The following EPHA6 variants were observed in gnomAD, a reference collection of about 807,000 sequenced individuals.
The protein encoded by EPHA6 is ephrin type-A receptor 6.
EPHA6 carries 50 observed loss-of-function variants against 112.0 expected under a neutral mutation model. That is an observed-to-expected ratio of 0.45 (90% CI 0.36 to 0.56). EPHA6 has a LOEUF of 0.56. Ranked by LOEUF, EPHA6 falls within the 20% of genes least tolerant of loss-of-function variation. EPHA6 has a pLI of 0.00. For missense variants in EPHA6, 1,280 were observed against 1,417.4 expected (o/e 0.90, Z 1.56); for synonymous variants, 529 against 490.7 (o/e 1.08, Z -1.03).
At chr3:97,645,106 G>A (rs1266336397) in intron 14 of EPHA6, among the ~76,000 whole-genome samples, 2 of 152,012 alleles carry the variant, frequency 1.3e-5, no homozygotes, top group Admixed American at 6.5e-5. Flanking sequence ...AGTCAATGTG[G>A]CGATTCCTCA....
chr3:97,176,317 T>A (rs1311778959), intron 3 of EPHA6, among the ~76,000 whole-genome samples: 2 of 151,916 alleles, frequency 1.3e-5, no homozygotes, highest in African/African-American at 4.8e-5. Flanking sequence ...AGTTGAGGAT[T>A]TTTTCATCAA....
chr3:97,421,903 G>C (rs368581524), intron 6 of EPHA6, among the ~76,000 whole-genome samples: 63 of 151,618 alleles, frequency 4.2e-4, no homozygotes, highest in African/African-American at 1.4e-3. Context: ...ACTGGGTAAT[G>C]TATATTGGTA....
rs1281837981 is a variant in EPHA6, at chr3:96,926,757, TG to T, written c.450+59871del. Among the ~76,000 whole-genome samples the T allele has an allele frequency of 2.0e-5, 3 of 152,188 alleles. No homozygotes were observed. The East Asian group carries it at 5.8e-4, about 29-fold the overall frequency. The stretch of plus-strand genomic sequence containing the variant: ...ATCCAGGACATGCTGATGCAAGGGG[TG>T]GGCTCCCATGGCCTTGGCTTTGCAG... On this transcript the variant is annotated intron_variant, in intron 2 of 17. Transcript: ENST00000389672.
chr3:97,019,092 T>C (rs2044364735), intron 3 of EPHA6, among the ~76,000 whole-genome samples: 1 of 152,142 alleles, frequency 6.6e-6, no homozygotes, highest in Non-Finnish European at 1.5e-5. Flanking sequence ...TAAAGAGTAA[T>C]TGTTACAAAC....
intron 13 of EPHA6, among the ~76,000 whole-genome samples, chr3:97,627,232 A>C (rs1423127049): frequency 6.6e-6 from 1 of 151,922 alleles, no homozygotes; most frequent in African/African-American, 2.4e-5. Flanking sequence ...TGGATCCTGG[A>C]ATACAGAAGT....
chr3:97,214,920 C>T (rs147821347), intron 3 of EPHA6, among the ~76,000 whole-genome samples: 1 of 152,270 alleles, frequency 6.6e-6, no homozygotes, highest in African/African-American at 2.4e-5. Flanking sequence ...TGTACAGCAG[C>T]ATCTAGAAAA....
intron 5 of EPHA6, among the ~76,000 whole-genome samples, chr3:97,276,056 G>A (rs2080067995): frequency 6.6e-6 from 1 of 152,110 alleles, no homozygotes; most frequent in African/African-American, 2.4e-5. Context: ...TTTAAAGCCT[G>A]GCCGTCAATA....
chr3:97,529,146 G>A lies in EPHA6; in HGVS notation c.2201-3212G>A, dbSNP rs80086810. 6.0e-4 allele frequency among the ~76,000 whole-genome samples: 92 copies of A among 152,154 alleles called. 2 individuals are homozygous for A. In the East Asian group the frequency reaches 0.017, roughly 28 times the overall value. On this transcript the variant is annotated intron_variant, in intron 10 of 17. Transcript: ENST00000389672. ...TATGCCAACACAGGAAAATATTAAC[G>A]ATGATAAACAGCTCAGACAGCAGAG... is the stretch of plus-strand genomic sequence containing the variant.
intron 3 of EPHA6, among the ~76,000 whole-genome samples, chr3:97,175,329 G>A (rs145905280): frequency 7.5e-4 from 114 of 151,978 alleles, no homozygotes; most frequent in African/African-American, 2.6e-3. Flanking sequence ...GTCAGGTAAT[G>A]TGATTCCTCC....
intron 3 of EPHA6, among the ~76,000 whole-genome samples, chr3:97,217,987 A>G (rs1246420862): frequency 6.6e-6 from 1 of 152,164 alleles, no homozygotes; most frequent in African/African-American, 2.4e-5. Flanking sequence ...TAAAAATATA[A>G]AGGCTGGGTG....
At chr3:97,087,542 G>C (rs1188988746) in intron 3 of EPHA6, among the ~76,000 whole-genome samples, 1 of 152,136 alleles carries the variant, frequency 6.6e-6, no homozygotes. Context: ...GCAGGTGGGT[G>C]TTCAAAACCA....
chr3:96,919,508 GTTAC>G (rs1291972266), intron 2 of EPHA6, among the ~76,000 whole-genome samples: 1 of 151,744 alleles, frequency 6.6e-6, no homozygotes, highest in African/African-American at 2.4e-5. Flanking sequence ...GACTCATTTA[GTTAC>G]TTCATTTAAT....
chr3:97,671,170 G>T (rs150064498), intron 14 of EPHA6, among the ~76,000 whole-genome samples: 2 of 152,046 alleles, frequency 1.3e-5, no homozygotes, highest in East Asian at 3.9e-4. Flanking sequence ...AAACTTGGCC[G>T]GTCTGTATCA....
chr3:96,863,374 A>G (rs2036119704), intron 1 of EPHA6, among the ~76,000 whole-genome samples: 1 of 151,964 alleles, frequency 6.6e-6, no homozygotes, highest in South Asian at 2.1e-4. Flanking sequence ...GTGCCTGAAA[A>G]ACCTGAATTT....
At chr3:96,856,370 T>A (rs2035699029) in intron 1 of EPHA6, among the ~76,000 whole-genome samples, 1 of 152,192 alleles carries the variant, frequency 6.6e-6, no homozygotes, top group African/African-American at 2.4e-5. Flanking sequence ...TGTCCTTATT[T>A]GAAAATAAAA....
At chr3:97,292,881 T>C (rs1197647470) in intron 5 of EPHA6, among the ~76,000 whole-genome samples, 2 of 123,058 alleles carry the variant, frequency 1.6e-5, no homozygotes, top group East Asian at 5.2e-4. Context: ...GCAGGTCATC[T>C]CAGTGAGCGT....
intron 14 of EPHA6, among the ~76,000 whole-genome samples, chr3:97,709,884 C>T (rs903888359): frequency 1.3e-4 from 20 of 152,164 alleles, no homozygotes; most frequent in Admixed American, 8.5e-4. Context: ...CCTCACCTAC[C>T]GCTATAATTG....
In EPHA6 at chr3:97,693,912, T is replaced by C. The variant is rs866111586; in HGVS notation, c.2785-26349T>C. On this transcript the variant is annotated intron_variant, in intron 14 of 17. Transcript: ENST00000389672. ...ATAATCATCATCATCATCATTATTA[T>C]TGTTTTCTTCCACCTGATGGTTATA... Among the ~76,000 whole-genome samples the C allele has an allele frequency of 1.1e-3, 166 of 152,372 alleles. 1 individual carries two copies. Among genetic ancestry groups the C allele is most frequent in the African/African-American group, 3.1e-3 (130 of 41,592 alleles).
chr3:97,548,123 T>A (rs1270747066), intron 11 of EPHA6, among the ~76,000 whole-genome samples: 1 of 152,162 alleles, frequency 6.6e-6, no homozygotes, highest in African/African-American at 2.4e-5. Context: ...GGTTCCTCAG[T>A]TGGAAATGCA....
Sources: gnomAD v4.1 joint callset for allele counts (sites outside exome capture counted in the v4.1 genomes callset) on GRCh38, gnomAD v4.1.1 for gene constraint, MANE v1.5 for transcripts, NCBI Gene and HGNC (gene_info 2026-07-23, HGNC 2026-07-21) for gene names.